The following NFIC variants were observed in gnomAD, a reference collection of about 807,000 sequenced individuals.
NFIC encodes the protein nuclear factor I C.
Under a neutral mutation model 54.4 loss-of-function variants are expected in NFIC, and 12 were observed. The observed-to-expected ratio is 0.22, with a 90% CI of 0.14 to 0.36. The LOEUF is 0.36. Among genes scored for constraint, NFIC ranks in the 10% least tolerant of loss-of-function variants. The probability of loss-of-function intolerance (pLI) is 1.00; values close to 1 mark genes in which losing one functional copy is unlikely to be tolerated. For synonymous variants in NFIC, 322 were observed against 319.2 expected, an observed-to-expected ratio of 1.01 and a Z score of -0.09; for missense variants, 575 against 718.2, an observed-to-expected ratio of 0.80 and a Z score of 2.28.
chr19:3,408,659 T>C (rs2081697004), intron 2 of NFIC, among the ~76,000 whole-genome samples: 1 of 152,152 alleles, frequency 6.6e-6, no homozygotes, highest in East Asian at 1.9e-4. Flanking sequence ...TCTCACTCTG[T>C]CGCGCCAACT....
At chr19:3,447,383 A>T (rs1030802496) in intron 6 of NFIC, among the ~76,000 whole-genome samples, 1 of 151,892 alleles carries the variant, frequency 6.6e-6, no homozygotes, top group East Asian at 1.9e-4. Flanking sequence ...GCCTCCTGGA[A>T]ATACCCAAAA....
chr19:3,403,750 G>A (rs1296103176), intron 2 of NFIC, among the ~76,000 whole-genome samples: 1 of 152,176 alleles, frequency 6.6e-6, no homozygotes, highest in African/African-American at 2.4e-5. Context: ...CTCCCCGCGG[G>A]CTGCCCAGTT....
chr19:3,365,244 G>T (rs2080865645), upstream of NFIC, among the ~76,000 whole-genome samples: 1 of 152,208 alleles, frequency 6.6e-6, no homozygotes, highest in South Asian at 2.1e-4. Flanking sequence ...TGGTGAGAGG[G>T]TATCATTTGT....
At position 3,452,732 on chromosome 19, in the gene NFIC, G is replaced by T; in HGVS notation, c.1269+66G>T. ...CCAGGTGACCTCCCGGGGGCCACGT[G>T]CTCACACGAAGGCACAACCTCTGCT... On this transcript the variant is annotated intron_variant, in intron 8 of 10. Transcript: ENST00000443272. The surrounding 1 kb of genome is among the most constrained non-coding windows in gnomAD (Gnocchi z 5.3). 6.6e-7 allele frequency: 1 copy of T among 1,517,282 alleles called. No homozygotes were observed. The highest frequency in any genetic ancestry group is 1.3e-5 in the South Asian group (1 of 78,994). The allele number at this position is 1,517,282 out of a possible 1,614,324, so 94.0% of individuals were successfully genotyped here.
rs2082680934 is a variant in NFIC at position 3,464,022 on chromosome 19, G to A, written c.*1253G>A. 4.1e-6 allele frequency: 4 copies of A among 985,242 alleles called. No homozygotes were observed. Among genetic ancestry groups the A allele is most frequent in the Non-Finnish European group, 3.6e-6 (3 of 829,876 alleles). 61.0% of individuals were successfully genotyped at this position (985,242 alleles called of 1,614,324 possible). On this transcript the variant is annotated 3_prime_UTR_variant, in exon 11 of 11. Coordinates refer to ENST00000443272, the MANE Select transcript of NFIC (RefSeq NM_001245002.2). ...GAGGGGCAGAGCTGGGCGTCACTTC[G>A]CAAGCGTCCTGCCCTGCCGGGGCGC...
chr19:3,393,259 C>T (rs1015743664), intron 2 of NFIC, among the ~76,000 whole-genome samples: 2 of 152,124 alleles, frequency 1.3e-5, no homozygotes, highest in Admixed American at 6.6e-5. Flanking sequence ...GGCTGTTCCA[C>T]GGCCACCTGG....
At chr19:3,403,741 T>C (rs1402238585) in intron 2 of NFIC, among the ~76,000 whole-genome samples, 3 of 152,132 alleles carry the variant, frequency 2.0e-5, no homozygotes, top group Non-Finnish European at 4.4e-5. Flanking sequence ...TCCTCCGGAC[T>C]CCCCGCGGGC....
rs3834984 is a variant in NFIC at position 3,370,480 on chromosome 19, CCTCTCTCT to C, written c.30+3829_30+3836del. Among the ~76,000 whole-genome samples the C allele has an allele frequency of 1.4e-5, 2 of 146,856 alleles. No homozygotes were observed. Among genetic ancestry groups the C allele is most frequent in the African/African-American group, 5.1e-5 (2 of 39,096 alleles). On this transcript the variant is annotated intron_variant, in intron 1 of 10. Transcript: ENST00000443272. The surrounding 1 kb of genome is among the most constrained non-coding windows in gnomAD (Gnocchi z 5.2). ...GGGATTCTGGCAGAGTCAGCGTTCT[CCTCTCTCT>C]CTCTCTCTCTCTCTGTCTCCCTCCC...
In NFIC at chr19:3,382,227, C is replaced by T. The variant is rs1267692302; in HGVS notation, c.546C>T (p.Tyr182=). ...AVKELDLYLA[Y]FVRERDAEQS... ...AGGAGCTGGACCTCTACCTGGCCTA[C>T]TTCGTGCGTGAGCGAGGTGAGGTGT... Residue 182 remains tyrosine, a synonymous_variant, in exon 2 of 11, where the codon TAC becomes TAT. Coordinates refer to ENST00000443272, the MANE Select transcript of NFIC (RefSeq NM_001245002.2). 3.1e-6 allele frequency: 5 copies of T among 1,603,386 alleles called. No individual in the cohort carries two copies. The highest frequency in any genetic ancestry group is 1.3e-5 in the African/African-American group (1 of 74,926).
chr19:3,464,178 C>CCGACG lies in NFIC; in HGVS notation c.*1412_*1416dup. 2 of 985,420 alleles carry CCGACG rather than the reference C, an allele frequency of 2.0e-6. No individual in the cohort carries two copies. Among genetic ancestry groups the CCGACG allele is most frequent in the Non-Finnish European group, 2.4e-6 (2 of 829,918 alleles). 61.0% of individuals were successfully genotyped at this position (985,420 alleles called of 1,614,324 possible). On this transcript the variant is annotated 3_prime_UTR_variant, in exon 11 of 11. Coordinates refer to ENST00000443272, the MANE Select transcript of NFIC (RefSeq NM_001245002.2). ...GCCGTTTGCACTTTCATCGCCTACC[C>CCGACG]CGACGCGGGGCCCAGCTGCGGGACG... is the stretch of plus-strand genomic sequence containing the variant.
At position 3,456,583 on chromosome 19, in the gene NFIC, G is replaced by A. The variant is rs918178256; in HGVS notation, c.1457G>A (p.Arg486His). ...YSPPDTSPAN[R>H]SFVGLGPRDP... is the part of the protein sequence containing the mutation. ...CCGCCCGACACGTCCCCTGCAAACC[G>A]TTCCTTTGTGGGATTAGGACCAAGG... is the stretch of plus-strand genomic sequence containing the variant. Residue 486 changes from arginine (R) to histidine (H), a missense_variant, in exon 10 of 11, where the codon CGT (arginine) becomes CAT (histidine). Arg to His is a conservative substitution (Grantham distance 29, BLOSUM62 0). Coordinates refer to ENST00000443272, the MANE Select transcript of NFIC (RefSeq NM_001245002.2). 2.6e-6 allele frequency: 4 copies of A among 1,553,632 alleles called. No individual in the cohort carries two copies. Among genetic ancestry groups the A allele is most frequent in the Non-Finnish European group, 3.5e-6 (4 of 1,147,868 alleles).
At chr19:3,359,637 G>C, upstream of NFIC, 8 of 1,335,770 alleles carry the variant, frequency 6.0e-6, no homozygotes, top group Non-Finnish European at 6.8e-6. Context: ...GCCGGGGACC[G>C]AGCGCGCTCG....
chr19:3,380,468 G>A (rs2081188330), intron 1 of NFIC, among the ~76,000 whole-genome samples: 1 of 151,398 alleles, frequency 6.6e-6, no homozygotes, highest in Non-Finnish European at 1.5e-5. Flanking sequence ...TGGGATTACA[G>A]GTGTGCTCCA....
rs1392677023 is a variant in NFIC at position 3,467,637 on chromosome 19, C to A, written c.*4868C>A. 6.6e-6 allele frequency: 1 copy of A among 151,048 alleles called. No individual in the cohort carries two copies. The highest frequency in any genetic ancestry group is 1.5e-5 in the Non-Finnish European group (1 of 67,822). 9.4% of individuals were successfully genotyped at this position (151,048 alleles called of 1,614,324 possible). On this transcript the variant is annotated 3_prime_UTR_variant, in exon 11 of 11. Transcript: ENST00000443272. ...CTTGGCTGCACCCCACTGTCCCTTG[C>A]AAGACAGGTTCTGGAGCCAGGAGCA...
At chr19:3,438,429 CT>C (rs59788026) in intron 6 of NFIC, among the ~76,000 whole-genome samples, 2,484 of 124,084 alleles carry the variant, frequency 0.02, 37 homozygotes, top group African/African-American at 0.056. Flanking sequence ...CTGAGGGTTT[CT>C]TTTTTTTTTT....
At position 3,458,297 on chromosome 19, in the gene NFIC, C is replaced by T. The variant is rs1366265520; in HGVS notation, c.1509+1662C>T. On this transcript the variant is annotated intron_variant, in intron 10 of 10. Coordinates refer to ENST00000443272, the MANE Select transcript of NFIC (RefSeq NM_001245002.2). This position sits in a 1 kb window ranked among gnomAD's most constrained non-coding sequence, Gnocchi z 4.1. ...GAGCCCGGCATTACCTCTGCCACCCCCACCCCACATCGCTCCCTGCCCCTG... is the reference window on the plus strand; with the variant it reads ...GAGCCCGGCATTACCTCTGCCACCCTCACCCCACATCGCTCCCTGCCCCTG... Among the ~76,000 whole-genome samples, 1 of 152,174 alleles carries T rather than the reference C, an allele frequency of 6.6e-6. No individual in the cohort carries two copies. Among genetic ancestry groups the T allele is most frequent in the Non-Finnish European group, 1.5e-5 (1 of 68,032 alleles).
intron 2 of NFIC, among the ~76,000 whole-genome samples, chr19:3,416,325 T>C (rs1262269421): frequency 6.7e-6 from 1 of 149,330 alleles, no homozygotes; most frequent in Non-Finnish European, 1.5e-5. Context: ...ATATAATATA[T>C]ATTATACATA....
intron 2 of NFIC, among the ~76,000 whole-genome samples, chr19:3,423,263 G>T (rs2145599398): frequency 6.6e-6 from 1 of 152,146 alleles, no homozygotes; most frequent in Middle Eastern, 3.4e-3. Context: ...CGTGATTGAG[G>T]TCTCCAAATG....
At chr19:3,455,107 G>A (rs2082531405) in intron 9 of NFIC, among the ~76,000 whole-genome samples, 1 of 152,234 alleles carries the variant, frequency 6.6e-6, no homozygotes, top group Non-Finnish European at 1.5e-5. Flanking sequence ...AGGCAGAGAG[G>A]ACATTCCATG....
Sources: allele counts gnomAD v4.1 joint callset (sites outside exome capture counted in the v4.1 genomes callset), GRCh38; gene constraint gnomAD v4.1.1; non-coding constraint Gnocchi (gnomAD v3.1); transcripts MANE v1.5; gene names NCBI Gene and HGNC (gene_info 2026-07-23, HGNC 2026-07-21).